Variants in SMIM14 observed in about 807,000 individuals in gnomAD.
SMIM14 encodes small integral membrane protein 14.
SMIM14 carries 5 observed loss-of-function variants against 12.6 expected under a neutral mutation model. The observed-to-expected ratio is 0.40, with a 90% CI of 0.21 to 0.83. The LOEUF (loss-of-function observed/expected upper bound fraction) is 0.83, where lower values mean the gene tolerates loss of function less well. Ranked by LOEUF, SMIM14 falls within the 40% of genes least tolerant of loss-of-function variation. The probability of loss-of-function intolerance (pLI) is 0.37; values close to 1 mark genes in which losing one functional copy is unlikely to be tolerated. For missense variants in SMIM14, 86 were observed against 119.1 expected, an observed-to-expected ratio of 0.72 and a Z score of 1.29; for synonymous variants, 30 against 40.1, an observed-to-expected ratio of 0.75 and a Z score of 0.95.
At chr4:39,563,525 A>G (rs954793120) in intron 3 of SMIM14, among the ~76,000 whole-genome samples, 24 of 152,188 alleles carry the variant, frequency 1.6e-4, no homozygotes, top group Admixed American at 5.9e-4. Flanking sequence ...AAGCTTTCCA[A>G]ATGAATCTGA....
intron 2 of SMIM14, among the ~76,000 whole-genome samples, chr4:39,595,201 A>G (rs1714302157): frequency 6.6e-6 from 1 of 150,484 alleles, no homozygotes; most frequent in South Asian, 2.1e-4. Flanking sequence ...TGGCACATAT[A>G]CACCATGGAA....
At chr4:39,560,553 G>A (rs560395879) in intron 3 of SMIM14, among the ~76,000 whole-genome samples, 120 of 151,210 alleles carry the variant, frequency 7.9e-4, no homozygotes, top group Non-Finnish European at 1.5e-3. Context: ...CAGGAAGCAC[G>A]AGGTCAAGAG....
At chr4:39,617,568 G>A (rs1344239360) in intron 1 of SMIM14, among the ~76,000 whole-genome samples, 2 of 151,960 alleles carry the variant, frequency 1.3e-5, no homozygotes, top group African/African-American at 4.8e-5. Context: ...AGCATAAAAG[G>A]GATTGTAACT....
At chr4:39,608,216 T>A (rs924696413) in intron 1 of SMIM14, among the ~76,000 whole-genome samples, 3 of 152,242 alleles carry the variant, frequency 2.0e-5, no homozygotes, top group Non-Finnish European at 4.4e-5. Context: ...CTCACGCCTA[T>A]AATCCCAGCA....
chr4:39,576,678 ATATATATTTTTTTTTTTTTTTTT>A (rs1560289735), intron 2 of SMIM14, among the ~76,000 whole-genome samples: 955 of 29,928 alleles, frequency 0.032, 48 homozygotes, highest in African/African-American at 0.12. Context: ...ATATATATAT[ATATATATTTTTTTTTTTTTTTTT>A]TTTTTTTTTT....
intron 3 of SMIM14, among the ~76,000 whole-genome samples, chr4:39,567,226 TTA>T (rs1179928071): frequency 1.3e-5 from 2 of 150,992 alleles, no homozygotes; most frequent in African/African-American, 4.9e-5. Context: ...TGGAGAAGAT[TTA>T]GTTATTAAAG....
intron 2 of SMIM14, among the ~76,000 whole-genome samples, chr4:39,591,454 A>G (rs1714074106): frequency 6.6e-6 from 1 of 152,096 alleles, no homozygotes; most frequent in Non-Finnish European, 1.5e-5. Flanking sequence ...CATAGAAAGG[A>G]CCCATGCCAA....
intron 2 of SMIM14, among the ~76,000 whole-genome samples, chr4:39,596,215 C>T (rs895283746): frequency 6.6e-6 from 1 of 152,142 alleles, no homozygotes; most frequent in Non-Finnish European, 1.5e-5. Flanking sequence ...CCTGCCTCAG[C>T]CTCCCAAGTA....
intron 1 of SMIM14, among the ~76,000 whole-genome samples, chr4:39,635,988 C>A (rs1189054843): frequency 6.6e-6 from 1 of 151,938 alleles, no homozygotes; most frequent in Non-Finnish European, 1.5e-5. Context: ...GCCTGGCCAA[C>A]ATGGTGAAAC....
intron 2 of SMIM14, among the ~76,000 whole-genome samples, chr4:39,596,106 T>G (rs1425004254): frequency 6.6e-6 from 1 of 152,116 alleles, no homozygotes; most frequent in Non-Finnish European, 1.5e-5. Context: ...TTTTTCTTTC[T>G]TTCTTTGAGA....
chr4:39,571,544 C>T (rs907606262), intron 3 of SMIM14, among the ~76,000 whole-genome samples: 3 of 151,628 alleles, frequency 2.0e-5, no homozygotes, highest in South Asian at 2.1e-4. Flanking sequence ...CGCACAATTG[C>T]GCTCAGTGTG....
At chr4:39,601,771 A>G (rs1037643671) in intron 2 of SMIM14, among the ~76,000 whole-genome samples, 2 of 151,842 alleles carry the variant, frequency 1.3e-5, no homozygotes, top group African/African-American at 4.8e-5. Flanking sequence ...ACCTGGGGAG[A>G]TCCCATCTCT....
At chr4:39,608,953 G>T (rs1235044277) in intron 1 of SMIM14, among the ~76,000 whole-genome samples, 1 of 152,032 alleles carries the variant, frequency 6.6e-6, no homozygotes, top group Non-Finnish European at 1.5e-5. Flanking sequence ...TATACTAAAA[G>T]ACACTGTAAT....
chr4:39,571,077 T>G (rs1164287659), intron 3 of SMIM14, among the ~76,000 whole-genome samples: 1 of 152,058 alleles, frequency 6.6e-6, no homozygotes, highest in African/African-American at 2.4e-5. Context: ...CACATAATGG[T>G]CACTAAGTCT....
At chr4:39,631,999 C>T (rs951665193) in intron 1 of SMIM14, among the ~76,000 whole-genome samples, 2 of 151,536 alleles carry the variant, frequency 1.3e-5, no homozygotes, top group Admixed American at 6.6e-5. Context: ...GAACAGAGGT[C>T]GTAAATGTTA....
At chr4:39,564,150 CAGA>C (rs1280552707) in intron 3 of SMIM14, among the ~76,000 whole-genome samples, 2 of 152,178 alleles carry the variant, frequency 1.3e-5, no homozygotes, top group African/African-American at 4.8e-5. Context: ...GGCCCATCCT[CAGA>C]AGATTATTTG....
chr4:39,622,878 T>G (rs1017295507), intron 1 of SMIM14, among the ~76,000 whole-genome samples: 1 of 152,224 alleles, frequency 6.6e-6, no homozygotes, highest in Non-Finnish European at 1.5e-5. Flanking sequence ...AAAAAATTTT[T>G]GGATGCAGCA....
In SMIM14 at chr4:39,546,847, TA is replaced by T. The variant is rs1747365533; in HGVS notation, c.*5278del. On this transcript the variant is annotated 3_prime_UTR_variant, in exon 5 of 5. Transcript: ENST00000295958. ...AGCAGTGTTACTATTTTTACATGTA[TA>T]TGAGTATTCATGACCTTTAATGTCT... 1 of 152,236 alleles carries T rather than the reference TA, an allele frequency of 6.6e-6. No individual in the cohort carries two copies. Among genetic ancestry groups the T allele is most frequent in the Non-Finnish European group, 1.5e-5 (1 of 68,040 alleles). The allele number at this position is 152,236 out of a possible 1,614,324, so 9.4% of individuals were successfully genotyped here. A position where few individuals can be genotyped will look rare whatever the true frequency, so the allele number is the denominator to read the frequency against.
At chr4:39,552,301 C>G in intron 4 of SMIM14, 143 bp from the exon 5 acceptor site, 1 of 537,980 alleles carries the variant, frequency 1.9e-6, no homozygotes, top group Non-Finnish European at 3.1e-6. Flanking sequence ...GCAGCAATGC[C>G]CCCAACCATC....
Sources: allele counts gnomAD v4.1 joint callset (sites outside exome capture counted in the v4.1 genomes callset), GRCh38; gene constraint gnomAD v4.1.1; transcripts MANE v1.5; gene names NCBI Gene and HGNC (gene_info 2026-07-23, HGNC 2026-07-21).